Variants in DACH2 observed in about 807,000 individuals in gnomAD.
The protein encoded by DACH2 is dachshund homolog 2.
A neutral mutation model predicts 35.8 loss-of-function variants in DACH2; 17 were observed. The observed-to-expected ratio is 0.48, with a 90% CI of 0.33 to 0.71. The LOEUF (loss-of-function observed/expected upper bound fraction) is 0.71. Among genes scored for constraint, DACH2 ranks in the 30% least tolerant of loss-of-function variants. The pLI is 0.02. For synonymous variants in DACH2, 195 were observed against 177.3 expected (o/e 1.10, Z -0.79); for missense variants, 469 against 472.7 (o/e 0.99, Z 0.07).
chrX:86,163,100 C>A (rs1311367024), intron 1 of DACH2, among the ~76,000 whole-genome samples: 1 of 111,081 alleles, frequency 9.0e-6, no homozygotes, highest in Non-Finnish European at 1.9e-5. Context: ...TTCTTATTGA[C>A]TCTAGTCACC....
intron 3 of DACH2, among the ~76,000 whole-genome samples, chrX:86,612,815 A>T (rs922072609): frequency 2.8e-4 from 32 of 112,506 alleles, no homozygotes; most frequent in African/African-American, 1.0e-3. Flanking sequence ...TTTTGTGTAG[A>T]TAGTTGTCAA....
chrX:86,824,200 G>A (rs1418087453), intron 11 of DACH2, among the ~76,000 whole-genome samples: 3 of 110,542 alleles, frequency 2.7e-5, no homozygotes, highest in Non-Finnish European at 5.7e-5. Flanking sequence ...CAGAACAGCC[G>A]TTTATAGACC....
chrX:86,417,299 A>C (rs1255428662), intron 2 of DACH2, among the ~76,000 whole-genome samples: 2 of 110,991 alleles, frequency 1.8e-5, no homozygotes, highest in African/African-American at 3.3e-5. Context: ...TATCCAAACT[A>C]TATTGAAGAG....
chrX:86,413,692 T>C (rs5922242), intron 2 of DACH2, among the ~76,000 whole-genome samples: 14,034 of 110,489 alleles, frequency 0.13, 916 homozygotes, highest in Non-Finnish European at 0.19. Flanking sequence ...ATGGCTTCCA[T>C]TGGGTATTTC....
chrX:86,526,124 A>C (rs1214643889), intron 3 of DACH2, among the ~76,000 whole-genome samples: 1 of 111,430 alleles, frequency 9.0e-6, no homozygotes, highest in East Asian at 2.8e-4. Context: ...GCTGTACTAA[A>C]ATAACCCATT....
At chrX:86,482,354 C>G (rs1336280953) in intron 2 of DACH2, among the ~76,000 whole-genome samples, 1 of 111,733 alleles carries the variant, frequency 8.9e-6, no homozygotes, top group Non-Finnish European at 1.9e-5. Flanking sequence ...TCTCCAGTTT[C>G]CATAAATTTT....
chrX:86,413,744 TG>T (rs772956922), intron 2 of DACH2, among the ~76,000 whole-genome samples: 121 of 110,965 alleles, frequency 1.1e-3, no homozygotes, highest in Admixed American at 2.2e-3. Flanking sequence ...GGAGTCAATG[TG>T]GGGGGTTCCT....
chrX:86,487,203 C>A lies in DACH2; in HGVS notation c.528-27076C>A, dbSNP rs147639818. 1.3e-3 allele frequency among the ~76,000 whole-genome samples: 145 copies of A among 111,549 alleles called. 1 individual carries two copies. Among genetic ancestry groups the A allele is most frequent in the African/African-American group, 4.6e-3 (141 of 30,804 alleles). On this transcript the variant is annotated intron_variant, in intron 2 of 11. Coordinates refer to ENST00000373125, the MANE Select transcript of DACH2 (RefSeq NM_053281.3). ...GTTGCCCCAACTTTCACAGAGGAAG[C>A]CAAACTATTCAACTATGGGCACATT...
intron 2 of DACH2, among the ~76,000 whole-genome samples, chrX:86,500,978 C>T (rs1340937254): frequency 9.0e-6 from 1 of 111,665 alleles, no homozygotes; most frequent in Non-Finnish European, 1.9e-5. Flanking sequence ...GATGATGAGA[C>T]AGATCTATGA....
chrX:86,438,340 C>G (rs772564684), intron 2 of DACH2, among the ~76,000 whole-genome samples: 1 of 107,500 alleles, frequency 9.3e-6, no homozygotes, highest in African/African-American at 3.4e-5. Context: ...TCTGTTGCCT[C>G]TGCCTCCCAA....
intron 4 of DACH2, among the ~76,000 whole-genome samples, chrX:86,655,085 A>G (rs2040524113): frequency 9.0e-6 from 1 of 111,285 alleles, no homozygotes; most frequent in African/African-American, 3.3e-5. Context: ...TATCTGCTTT[A>G]GTTCCTTCCA....
chrX:86,390,308 G>C (rs1363286979), intron 2 of DACH2, among the ~76,000 whole-genome samples: 3 of 111,891 alleles, frequency 2.7e-5, no homozygotes, highest in Admixed American at 1.9e-4. Flanking sequence ...TCTCAAATTT[G>C]AGTGTAAGCT....
At chrX:86,662,605 A>C (rs910286103) in intron 4 of DACH2, among the ~76,000 whole-genome samples, 3 of 108,122 alleles carry the variant, frequency 2.8e-5, no homozygotes, top group Non-Finnish European at 3.9e-5. Flanking sequence ...AAAAAAAAAA[A>C]GGTGGGAGAT....
intron 1 of DACH2, among the ~76,000 whole-genome samples, chrX:86,221,719 T>C (rs1189631876): frequency 8.9e-6 from 1 of 112,195 alleles, no homozygotes; most frequent in Non-Finnish European, 1.9e-5. Context: ...ACTGGAGCAA[T>C]GGTAGATCCA....
chrX:86,628,959 C>A (rs1343020733), intron 3 of DACH2, among the ~76,000 whole-genome samples: 3 of 112,177 alleles, frequency 2.7e-5, no homozygotes, highest in African/African-American at 9.7e-5. Context: ...TTAGCTGCTA[C>A]ACAGAAGTTA....
chrX:86,206,786 C>T (rs1345762279), intron 1 of DACH2, among the ~76,000 whole-genome samples: 1 of 111,779 alleles, frequency 8.9e-6, no homozygotes, highest in Non-Finnish European at 1.9e-5. Context: ...TTGGATCCTA[C>T]CCCACCATAG....
At chrX:86,722,227 T>C (rs1486584456) in intron 6 of DACH2, among the ~76,000 whole-genome samples, 3 of 112,301 alleles carry the variant, frequency 2.7e-5, no homozygotes, top group African/African-American at 9.7e-5. Flanking sequence ...CCTTAGTTCA[T>C]TGAGCTCTTT....
chrX:86,760,926 G>A (rs868525917), intron 7 of DACH2, among the ~76,000 whole-genome samples: 5 of 111,171 alleles, frequency 4.5e-5, no homozygotes, highest in African/African-American at 6.5e-5. Context: ...GTTTGGTAGC[G>A]TACTTTGGCT....
At chrX:86,646,688 A>G (rs2148403089) in intron 3 of DACH2, among the ~76,000 whole-genome samples, 1 of 110,162 alleles carries the variant, frequency 9.1e-6, no homozygotes, top group Non-Finnish European at 1.9e-5. Context: ...TTCAAATCAT[A>G]TATATAACAA....
Sources: gnomAD v4.1 joint callset for allele counts (sites outside exome capture counted in the v4.1 genomes callset) on GRCh38, gnomAD v4.1.1 for gene constraint, MANE v1.5 for transcripts, NCBI Gene and HGNC (gene_info 2026-07-23, HGNC 2026-07-21) for gene names.